AP3D1: variants seen among roughly 807,000 people sequenced by gnomAD.
The protein encoded by AP3D1 is adaptor related protein complex 3 subunit delta 1.
AP3D1 carries 51 observed loss-of-function variants against 147.6 expected under a neutral mutation model. That is an observed-to-expected ratio of 0.35 (90% CI 0.28 to 0.44). AP3D1 has a LOEUF of 0.44. Among genes scored for constraint, AP3D1 ranks in the 20% least tolerant of loss-of-function variants. The pLI, the probability that AP3D1 is intolerant of heterozygous loss-of-function variation, is 1.00. For missense variants in AP3D1, 1,421 were observed against 1,624.2 expected, an observed-to-expected ratio of 0.87 and a Z score of 2.15; for synonymous variants, 760 against 663.0, an observed-to-expected ratio of 1.15 and a Z score of -2.25.
At chr19:2,118,138 C>G (rs541659675) in intron 15 of AP3D1, among the ~76,000 whole-genome samples, 52 of 152,226 alleles carry the variant, frequency 3.4e-4, no homozygotes, top group African/African-American at 1.1e-3. Flanking sequence ...CCAGCCTGGG[C>G]AAAGGAGTGA....
At chr19:2,133,466 C>T (rs12981780) in intron 4 of AP3D1, 49,114 of 151,896 alleles carry the variant, frequency 0.32, 9,145 homozygotes, top group Non-Finnish European at 0.43. Context: ...TACCAAGATC[C>T]GTTTTCAGGG....
At chr19:2,152,055 G>A (rs569604712), upstream of AP3D1, among the ~76,000 whole-genome samples, 30 of 152,350 alleles carry the variant, frequency 2.0e-4, no homozygotes, top group Middle Eastern at 0.017. Context: ...AAATGGGCAA[G>A]ACAGACATTA....
chr19:2,148,091 G>T (rs1318367467), intron 1 of AP3D1, among the ~76,000 whole-genome samples: 2 of 147,512 alleles, frequency 1.4e-5, no homozygotes, highest in Non-Finnish European at 3.0e-5. Flanking sequence ...AGCTTGCAGT[G>T]AGCCCAGATC....
At chr19:2,138,191 G>A (rs1023174149) in intron 2 of AP3D1, among the ~76,000 whole-genome samples, 1 of 152,228 alleles carries the variant, frequency 6.6e-6, no homozygotes, top group Non-Finnish European at 1.5e-5. Context: ...GGGGAAACGG[G>A]CCAGAGGGAG....
chr19:2,163,359 C>A (rs1454502593), intron 1 of AP3D1, among the ~76,000 whole-genome samples: 2 of 151,454 alleles, frequency 1.3e-5, no homozygotes, highest in Non-Finnish European at 2.9e-5. Flanking sequence ...CAGGCATGAG[C>A]CAGGGCTCCT....
upstream of AP3D1, among the ~76,000 whole-genome samples, chr19:2,152,830 C>A (rs139134664): frequency 2.4e-3 from 366 of 149,912 alleles, 3 homozygotes; most frequent in African/African-American, 6.6e-3. Flanking sequence ...GAGCCGAGAT[C>A]GCGCCACTGC....
chr19:2,129,081 T>C lies in AP3D1; in HGVS notation c.806+9A>G, dbSNP rs1480653561. The C allele has an allele frequency of 1.9e-6, 3 of 1,576,926 alleles. No individual in the cohort carries two copies. On this transcript the variant is annotated intron_variant, in intron 8 of 31. Transcript: ENST00000643116. ...CGGCCCGCCCCCACCGCGCATGGCC[T>C]GCACTCACCTGTGGATGAGATTGGT...
At chr19:2,110,980 A>T in intron 26 of AP3D1, 84 bp from the exon 27 acceptor site, 2 of 1,442,738 alleles carry the variant, frequency 1.4e-6, no homozygotes, top group Admixed American at 3.9e-5. Context: ...ATGACCACAG[A>T]GGCAGCAGGG....
chr19:2,118,877 G>A, intron 14 of AP3D1, 45 bp from the exon 15 acceptor site: 1 of 1,571,304 alleles, frequency 6.4e-7, no homozygotes, highest in Non-Finnish European at 8.7e-7. Flanking sequence ...CCAATCCCGG[G>A]GCTCCTCTCT....
In AP3D1 at chr19:2,130,140, GA is replaced by G. The variant is rs200760824; in HGVS notation, c.592+267del. 4.6e-3 allele frequency among the ~76,000 whole-genome samples: 700 copies of G among 152,326 alleles called. 4 individuals carry two copies. The highest frequency in any genetic ancestry group is 0.016 in the African/African-American group (659 of 41,574). ...TGCCTCCTGGTGGCACTGGTCCTAA[GA>G]GGGGCTGGCGGGGGTGGGTACACCT... On this transcript the variant is annotated intron_variant, in intron 6 of 31. Transcript: ENST00000643116.
intron 4 of AP3D1, among the ~76,000 whole-genome samples, chr19:2,135,429 G>A (rs1158174509): frequency 6.6e-5 from 10 of 152,134 alleles, no homozygotes; most frequent in African/African-American, 1.9e-4. Flanking sequence ...CCAGCTACTC[G>A]GGAGGCTGAG....
At chr19:2,103,639 G>C (rs555735156) in intron 31 of AP3D1, among the ~76,000 whole-genome samples, 105 of 152,330 alleles carry the variant, frequency 6.9e-4, no homozygotes, top group Non-Finnish European at 1.2e-3. Flanking sequence ...AGGCAGCACT[G>C]ACAGGAGAGG....
chr19:2,145,780 T>C (rs2019340666), intron 1 of AP3D1, among the ~76,000 whole-genome samples: 1 of 152,054 alleles, frequency 6.6e-6, no homozygotes, highest in East Asian at 1.9e-4. Context: ...CACCAAGCCT[T>C]CTGCCCAGAG....
chr19:2,121,973 G>A (rs924452989), intron 11 of AP3D1, 94 bp from the exon 12 acceptor site: 76 of 1,434,346 alleles, frequency 5.3e-5, no homozygotes, highest in Non-Finnish European at 6.5e-5. Flanking sequence ...TCTCCACCTC[G>A]GGAGGCTGCC....
At chr19:2,106,569 AC>A (rs200634595) in intron 31 of AP3D1, among the ~76,000 whole-genome samples, 14 of 151,862 alleles carry the variant, frequency 9.2e-5, no homozygotes, top group Non-Finnish European at 1.2e-4. Flanking sequence ...ATAAAAAAAA[AC>A]AAAAGTACTG....
intron 31 of AP3D1, among the ~76,000 whole-genome samples, chr19:2,106,189 G>GTT (rs757433251): frequency 5.3e-5 from 8 of 152,172 alleles, no homozygotes; most frequent in Non-Finnish European, 1.0e-4. Context: ...CAGCACTGGG[G>GTT]AAGACAGTCT....
intron 1 of AP3D1, among the ~76,000 whole-genome samples, chr19:2,139,414 C>T (rs559948117): frequency 3.9e-5 from 6 of 152,276 alleles, no homozygotes; most frequent in African/African-American, 1.4e-4. Context: ...TGTCTGGATC[C>T]CCCTGGGCCT....
At chr19:2,156,976 C>G (rs1218942437) in intron 1 of AP3D1, among the ~76,000 whole-genome samples, 1 of 138,674 alleles carries the variant, frequency 7.2e-6, no homozygotes, top group African/African-American at 2.6e-5. Context: ...ATCCATCCAT[C>G]TACCCATCCA....
At chr19:2,148,223 A>T (rs1442925797) in intron 1 of AP3D1, among the ~76,000 whole-genome samples, 6 of 152,152 alleles carry the variant, frequency 3.9e-5, no homozygotes. Context: ...TGAGAACAAA[A>T]TATTAAAAGT....
Sources: allele counts gnomAD v4.1 joint callset (sites outside exome capture counted in the v4.1 genomes callset), GRCh38; gene constraint gnomAD v4.1.1; transcripts MANE v1.5; gene names NCBI Gene and HGNC (gene_info 2026-07-23, HGNC 2026-07-21).